The following ZNF416 variants were observed in gnomAD, a reference collection of about 807,000 sequenced individuals.
ZNF416 encodes the protein zinc finger protein 416.
ZNF416 carries 5 observed loss-of-function variants against 10.9 expected under a neutral mutation model. The ratio of observed to expected loss-of-function variants is 0.46; its 90% CI spans 0.24 to 0.97. The LOEUF is 0.97. Among genes scored for constraint, ZNF416 ranks in the 50% least tolerant of loss-of-function variants. The probability of loss-of-function intolerance (pLI) is 0.19; values close to 1 mark genes in which losing one functional copy is unlikely to be tolerated. For missense variants in ZNF416, 675 were observed against 715.0 expected, an observed-to-expected ratio of 0.94 and a Z score of 0.64; for synonymous variants, 267 against 251.8, an observed-to-expected ratio of 1.06 and a Z score of -0.57.
chr19:57,578,409 A>G (rs767121984), intron 1 of ZNF416: 15 of 525,112 alleles, frequency 2.9e-5, no homozygotes, highest in African/African-American at 1.9e-5. Flanking sequence ...AGCGTCTTGA[A>G]AAGAAAGAGC....
rs771616425 is a variant in ZNF416 at position 57,572,807 on chromosome 19, T to C, written c.1097A>G (p.Lys366Arg). The stretch of plus-strand genomic sequence containing the variant: ...TCTCTGGTGTCGAACAAGAGTGGAT[T>C]TGGACCCAAAGGCTTTTCCACATTC... ...CDECGKAFGS[K>R]STLVRHQRTH... is the part of the protein sequence containing the mutation. The change falls in exon 4 of 4, where the codon AAA (lysine) becomes AGA (arginine). Residue 366 changes from lysine to arginine, a missense_variant. Transcript: ENST00000196489. The surrounding 1 kb of genome is among the most constrained non-coding windows in gnomAD (Gnocchi z 4.5). 1.9e-6 allele frequency: 3 copies of C among 1,614,016 alleles called. No individual in the cohort carries two copies. In the East Asian group the frequency reaches 6.7e-5, roughly 36 times the overall value.
chr19:57,578,811 GAC>G lies in ZNF416; in HGVS notation c.-109_-108del. 8.5e-7 allele frequency: 1 copy of G among 1,177,662 alleles called. No individual in the cohort carries two copies. 73.0% of individuals were successfully genotyped at this position (1,177,662 alleles called of 1,614,324 possible). On this transcript the variant is annotated 5_prime_UTR_variant, in exon 1 of 4. Transcript: ENST00000196489. ...CCCACCGGCTGATGCGCAGCGGGGC[GAC>G]CCCCGCTCTGTGCCGGAGGCAGCGT...
intron 3 of ZNF416, among the ~76,000 whole-genome samples, chr19:57,574,275 C>T (rs1174180303): frequency 3.3e-5 from 5 of 152,272 alleles, no homozygotes; most frequent in Middle Eastern, 6.8e-3. Context: ...CCCCTTTGCC[C>T]CAAAGCAAAC....
chr19:57,578,026 T>C, intron 2 of ZNF416, 31 bp downstream of exon 2: 3 of 1,613,108 alleles, frequency 1.9e-6, no homozygotes, highest in Non-Finnish European at 2.5e-6. Context: ...GGGGTCAGCA[T>C]CAGTGAGGGC....
chr19:57,577,429 ATC>A (rs1978582405), intron 2 of ZNF416, among the ~76,000 whole-genome samples: 1 of 152,066 alleles, frequency 6.6e-6, no homozygotes, highest in Non-Finnish European at 1.5e-5. Flanking sequence ...TTACCCCTAA[ATC>A]CTACTTTTCT....
Position 57,572,014 on chromosome 19 carries a change from G to A in ZNF416, c.*105C>T, listed in dbSNP as rs1013579318. ...CTAGAAGTATGAGGTTTAACTTTAG[G>A]CAGACGGCTCCTTCACAAAGGCTCT... On this transcript the variant is annotated 3_prime_UTR_variant, in exon 4 of 4. Coordinates refer to ENST00000196489, the MANE Select transcript of ZNF416 (RefSeq NM_017879.3). This position sits in a 1 kb window ranked among gnomAD's most constrained non-coding sequence, Gnocchi z 4.5. 4.2e-6 allele frequency: 6 copies of A among 1,440,196 alleles called. No individual in the cohort carries two copies. The highest frequency in any genetic ancestry group is 2.3e-5 in the East Asian group (1 of 43,688). The allele number at this position is 1,440,196 out of a possible 1,614,324, so 89.2% of individuals were successfully genotyped here. A position where few individuals can be genotyped will look rare whatever the true frequency, so the allele number is the denominator to read the frequency against.
Position 57,578,696 on chromosome 19 carries a change from C to T in ZNF416, c.9G>A (p.Ala3=), listed in dbSNP as rs553739765. The change falls in exon 1 of 4, where the codon GCG becomes GCA. Residue 3 remains alanine (A), a synonymous_variant. Transcript: ENST00000196489. ...CCGAAGTCGAATCCCTAAGCACGGC[C>T]GCCGCCATCGGATTGTGAGCGGAGC... MA[A]AVLRDSTSVP... is the part of the protein sequence containing the mutation. 1.7e-5 allele frequency: 27 copies of T among 1,546,920 alleles called. No individual in the cohort carries two copies. In the East Asian group the frequency reaches 6.8e-4, roughly 39 times the overall value.
rs112485279 is a variant in ZNF416, at chr19:57,573,543, C to G, written c.361G>C (p.Asp121His). The stretch of plus-strand genomic sequence containing the variant: ...AAGTATAGTTCCTGCCCAGGCAAAT[C>G]GGTCAGGTGCAAAATGTCGGTCAGG... ...PFLTDILHLTDLPGQELYLTG... is the reference protein window; with the variant it reads ...PFLTDILHLTHLPGQELYLTG... Residue 121 changes from aspartate (D) to histidine (H), a missense_variant, in exon 4 of 4, where the codon GAT becomes CAT. Physicochemically the swap from Asp to His is moderately conservative, Grantham distance 81. Coordinates refer to ENST00000196489, the MANE Select transcript of ZNF416 (RefSeq NM_017879.3). The G allele has an allele frequency of 6.2e-7, 1 of 1,614,190 alleles. No homozygotes were observed. The highest frequency in any genetic ancestry group is 1.1e-5 in the South Asian group (1 of 91,080).
chr19:57,578,720 G>T lies in ZNF416; in HGVS notation c.-16C>A. On this transcript the variant is annotated 5_prime_UTR_variant, in exon 1 of 4. Coordinates refer to ENST00000196489, the MANE Select transcript of ZNF416 (RefSeq NM_017879.3). ...CCGCCGCCATCGGATTGTGAGCGGA[G>T]CGGGGCCGGGAGCGGCGGGCGACCC... 1 of 1,497,812 alleles carries T rather than the reference G, an allele frequency of 6.7e-7. No homozygotes were observed. Among genetic ancestry groups the T allele is most frequent in the Non-Finnish European group, 8.9e-7 (1 of 1,120,190 alleles). The allele number at this position is 1,497,812 out of a possible 1,614,324, so 92.8% of individuals were successfully genotyped here.
In ZNF416 at chr19:57,573,469, T is replaced by C. The variant is rs147657507; in HGVS notation, c.435A>G (p.Ala145=). Residue 145 remains alanine, a synonymous_variant, in exon 4 of 4, where the codon GCA becomes GCG. Transcript: ENST00000196489. ...VFHQDQKHHS[A]EKPLESDMDK... The stretch of plus-strand genomic sequence containing the variant: ...CCATGTCACTTTCCAAGGGTTTCTC[T>C]GCACTATGATGCTTCTGGTCCTGGT... The C allele has an allele frequency of 4.9e-4, 797 of 1,614,244 alleles. 5 individuals are homozygous for C. In the African/African-American group the frequency reaches 9.7e-3, roughly 20 times the overall value.
At chr19:57,573,788 GT>G in intron 3 of ZNF416, 87 bp from the exon 4 acceptor site, 1 of 1,495,358 alleles carries the variant, frequency 6.7e-7, no homozygotes, top group South Asian at 1.3e-5. Flanking sequence ...TGAATAATTG[GT>G]GTTCTGACAT....
Position 57,571,898 on chromosome 19 carries a change from G to A in ZNF416, c.*221C>T, listed in dbSNP as rs2090194923. 3 of 551,532 alleles carry A rather than the reference G, an allele frequency of 5.4e-6. No individual in the cohort carries two copies. The highest frequency in any genetic ancestry group is 9.5e-6 in the Non-Finnish European group (3 of 315,406). 34.2% of individuals were successfully genotyped at this position (551,532 alleles called of 1,614,324 possible). ...CAAGGGTGACTAATGATTTAACTCT[G>A]GCAAAGGCCTCCAGCAGTTTAGAAC... On this transcript the variant is annotated 3_prime_UTR_variant, in exon 4 of 4. Transcript: ENST00000196489.
At chr19:57,574,698 A>C (rs995045518) in intron 3 of ZNF416, among the ~76,000 whole-genome samples, 5 of 152,148 alleles carry the variant, frequency 3.3e-5, no homozygotes, top group African/African-American at 1.2e-4. Context: ...CTCACCAAAC[A>C]CAGGACGTAA....
In ZNF416 at chr19:57,575,954, TC is replaced by T. The variant is rs765418418; in HGVS notation, c.76-25del. ...CCCTGCCATGATGGGGATAGATCTT[TC>T]CATGATCAGATTCTCTCCTAGGACC... On this transcript the variant is annotated intron_variant, in intron 2 of 3. Coordinates refer to ENST00000196489, the MANE Select transcript of ZNF416 (RefSeq NM_017879.3). The surrounding 1 kb of genome is among the most constrained non-coding windows in gnomAD (Gnocchi z 4.4). 6.2e-7 allele frequency: 1 copy of T among 1,609,176 alleles called. No individual in the cohort carries two copies. Among genetic ancestry groups the T allele is most frequent in the East Asian group, 2.2e-5 (1 of 44,804 alleles).
Position 57,572,744 on chromosome 19 carries a change from C to T in ZNF416, c.1160G>A (p.Cys387Tyr), listed in dbSNP as rs1264659328. ...GAAGCTTTGTCTGAATAATTTCCCA[C>T]ATTCACCACACTCATATGGCTTTTC... ...TGEKPYECGE[C>Y]GKLFRQSFSL... Residue 387 changes from cysteine to tyrosine, a missense_variant, in exon 4 of 4, where the codon TGT becomes TAT. Transcript: ENST00000196489. The surrounding 1 kb of genome is among the most constrained non-coding windows in gnomAD (Gnocchi z 4.5). 6.2e-7 allele frequency: 1 copy of T among 1,614,040 alleles called. No homozygotes were observed. The highest frequency in any genetic ancestry group is 8.5e-7 in the Non-Finnish European group (1 of 1,180,028).
rs1464160652 is a variant in ZNF416 at position 57,573,051 on chromosome 19, G to A, written c.853C>T (p.Leu285=). 10 of 1,614,100 alleles carry A rather than the reference G, an allele frequency of 6.2e-6. No individual in the cohort carries two copies. Among genetic ancestry groups the A allele is most frequent in the Non-Finnish European group, 7.6e-6 (9 of 1,180,044 alleles). Reference sequence around the variant, plus strand: ...GTGTGGATTCTCCGATGATCATTCAGATGAGAGGTTTGGCTAAAAGATTTC... The same window carrying A: ...GTGTGGATTCTCCGATGATCATTCAAATGAGAGGTTTGGCTAAAAGATTTC... The part of the protein sequence containing the change: ...CGKSFSQTSH[L]NDHRRIHTGE... The change falls in exon 4 of 4, where the codon CTG becomes TTG. Residue 285 remains leucine (L), a synonymous_variant. Transcript: ENST00000196489.
chr19:57,575,785 G>A lies in ZNF416; in HGVS notation c.202+19C>T, dbSNP rs763953131. ...GATAGACGAAGACCAGGACACGAGA[G>A]TGGGTGTGAGGGCCTTACCCAGCGC... On this transcript the variant is annotated intron_variant, in intron 3 of 3. Coordinates refer to ENST00000196489, the MANE Select transcript of ZNF416 (RefSeq NM_017879.3). This position sits in a 1 kb window ranked among gnomAD's most constrained non-coding sequence, Gnocchi z 4.4. The A allele has an allele frequency of 2.3e-5, 37 of 1,613,910 alleles. No individual in the cohort carries two copies. The highest frequency in any genetic ancestry group is 2.5e-5 in the Non-Finnish European group (30 of 1,179,914).
rs1204758394 is a variant in ZNF416, at chr19:57,573,696, A to C, written c.208T>G (p.Trp70Gly). The change falls in exon 4 of 4, where the codon TGG becomes GGG. Residue 70 changes from tryptophan (W) to glycine (G), a missense_variant. Transcript: ENST00000196489. Reference protein sequence around the residue: ...NFALITALVCWHGMEDEETPE... With the variant: ...NFALITALVCGHGMEDEETPE... ...GTCTCTTCATCCTCCATCCCATGCCAACAAACTGAAAGCAGAGAAACACTG... is the reference window on the plus strand; with the variant it reads ...GTCTCTTCATCCTCCATCCCATGCCCACAAACTGAAAGCAGAGAAACACTG... 3.1e-6 allele frequency: 5 copies of C among 1,607,340 alleles called. No individual in the cohort carries two copies. The highest frequency in any genetic ancestry group is 4.3e-6 in the Non-Finnish European group (5 of 1,174,842).
In ZNF416 at chr19:57,573,094, A is replaced by G. The variant is rs751281139; in HGVS notation, c.810T>C (p.Tyr270=). 3.1e-6 allele frequency: 5 copies of G among 1,614,092 alleles called. No homozygotes were observed. The highest frequency in any genetic ancestry group is 4.5e-5 in the East Asian group (2 of 44,894). ...AAGATTTCCCACATTCACTGCACTC[A>G]TAAGGCCTTTCTCCAGGGTGGACTC... ...LQRVHPGERP[Y]ECSECGKSFS... The change falls in exon 4 of 4, where the codon TAT becomes TAC. Residue 270 remains tyrosine, a synonymous_variant. Transcript: ENST00000196489.
Sources: allele counts gnomAD v4.1 joint callset (sites outside exome capture counted in the v4.1 genomes callset), GRCh38; gene constraint gnomAD v4.1.1; non-coding constraint Gnocchi (gnomAD v3.1); transcripts MANE v1.5; gene names NCBI Gene and HGNC (gene_info 2026-07-23, HGNC 2026-07-21).